Variants in ZFHX4 observed in about 807,000 individuals in gnomAD.
The protein encoded by ZFHX4 is zinc finger homeobox protein 4.
In ZFHX4, 56 loss-of-function variants were observed where a neutral mutation model predicts 267.6. That is an observed-to-expected ratio of 0.21 (90% CI 0.17 to 0.26). ZFHX4 has a LOEUF of 0.26. ZFHX4 is among the 10% of genes least tolerant of loss of function. ZFHX4 has a pLI of 1.00. For missense variants in ZFHX4, 4,332 were observed against 4,420.0 expected (o/e 0.98, Z 0.56); for synonymous variants, 1,778 against 1,665.6 (o/e 1.07, Z -1.64).
At chr8:76,850,439 T>C in intron 9 of ZFHX4, 77 bp downstream of exon 9, 1 of 1,193,478 alleles carries the variant, frequency 8.4e-7, no homozygotes, top group Admixed American at 2.6e-5. Flanking sequence ...CAAAGATTAT[T>C]ACTATCAAAA....
At chr8:76,731,808 C>A (rs930010025) in intron 3 of ZFHX4, among the ~76,000 whole-genome samples, 1 of 150,898 alleles carries the variant, frequency 6.6e-6, no homozygotes. Flanking sequence ...CTTTATAATG[C>A]GATATGATAA....
chr8:76,717,840 G>T (rs745511794), intron 3 of ZFHX4, among the ~76,000 whole-genome samples: 1 of 152,136 alleles, frequency 6.6e-6, no homozygotes, highest in South Asian at 2.1e-4. Flanking sequence ...CAGGTGACCC[G>T]CCCCCCTCAG....
intron 3 of ZFHX4, among the ~76,000 whole-genome samples, chr8:76,750,684 A>G (rs1322210356): frequency 6.6e-6 from 1 of 152,088 alleles, no homozygotes; most frequent in Non-Finnish European, 1.5e-5. Context: ...ATTTCTATTT[A>G]TCTCATTTTT....
Position 76,855,854 on chromosome 8 carries a change from A to T in ZFHX4, c.8933A>T (p.Gln2978Leu). 1.9e-6 allele frequency: 3 copies of T among 1,613,976 alleles called. No homozygotes were observed. The highest frequency in any genetic ancestry group is 2.5e-6 in the Non-Finnish European group (3 of 1,179,872). Residue 2978 changes from glutamine to leucine, a missense_variant, in exon 10 of 11, where the codon CAA becomes CTA. Coordinates refer to ENST00000651372, the MANE Select transcript of ZFHX4 (RefSeq NM_024721.5). ...LPKRVVQVWF[Q>L]NARAKEKKFK... ...AAACGCGTAGTCCAGGTGTGGTTCC[A>T]AAATGCAAGGGCAAAGGAAAAGAAA...
rs1038660449 is a variant in ZFHX4 at position 76,681,445 on chromosome 8, C to A, written c.-222C>A. On this transcript the variant is annotated 5_prime_UTR_variant, in exon 1 of 11. Transcript: ENST00000651372. ...CCCCCGAGGACCGCTCCATGCCCCC[C>A]ACTTTCTGCTCCAGCGTTTTTATTT... 2 of 398,638 alleles carry A rather than the reference C, an allele frequency of 5.0e-6. No individual in the cohort carries two copies. Among genetic ancestry groups the A allele is most frequent in the South Asian group, 1.3e-4 (1 of 7,826 alleles). The allele number at this position is 398,638 out of a possible 1,614,324, so 24.7% of individuals were successfully genotyped here. A position where few individuals can be genotyped will look rare whatever the true frequency, so the allele number is the denominator to read the frequency against.
At position 76,705,619 on chromosome 8, in the gene ZFHX4, T is replaced by C. The variant is rs373260858; in HGVS notation, c.1531T>C (p.Ser511Pro). The stretch of plus-strand genomic sequence containing the variant: ...CTTAAACCAAAGCATTTCTCCTTTA[T>C]CATCCAGTGTGCTAAAATTTATTGA... ...PLLNQSISPL[S>P]SSVLKFIEKG... Residue 511 changes from serine (S) to proline (P), a missense_variant, in exon 2 of 11, where the codon TCA becomes CCA. By Grantham distance (74) the Ser-to-Pro change is moderately conservative. This residue lies in a region of ZFHX4 where 1,195 missense variants were observed against 1,173.6 expected (regional missense o/e 1.02). Transcript: ENST00000651372. 6.8e-6 allele frequency: 11 copies of C among 1,613,792 alleles called. No homozygotes were observed. The highest frequency in any genetic ancestry group is 8.5e-6 in the Non-Finnish European group (10 of 1,179,858).
At chr8:76,819,697 G>C (rs911780402) in intron 4 of ZFHX4, among the ~76,000 whole-genome samples, 1 of 152,136 alleles carries the variant, frequency 6.6e-6, no homozygotes, top group Middle Eastern at 3.2e-3. Context: ...ACCGTTTCAC[G>C]GGTATCACAG....
At chr8:76,770,776 TGAAGGGGG>T (rs1810243366) in intron 3 of ZFHX4, among the ~76,000 whole-genome samples, 1 of 151,606 alleles carries the variant, frequency 6.6e-6, no homozygotes, top group Admixed American at 6.6e-5. Context: ...GTAAGACAGG[TGAAGGGGG>T]GAAGGTAAAT....
At chr8:76,834,907 G>T (rs533544148) in intron 5 of ZFHX4, among the ~76,000 whole-genome samples, 10 of 150,846 alleles carry the variant, frequency 6.6e-5, no homozygotes, top group Admixed American at 1.3e-4. Flanking sequence ...AACCCATTTT[G>T]AGTGAATGTT....
Position 76,855,467 on chromosome 8 carries a change from CA to C in ZFHX4, c.8550del (p.Lys2850AsnfsTer55). The C allele has an allele frequency of 6.2e-7, 1 of 1,613,674 alleles. No individual in the cohort carries two copies. Among genetic ancestry groups the C allele is most frequent in the Non-Finnish European group, 8.5e-7 (1 of 1,179,824 alleles). ...PKEPKTLDTL[P>X]KPATTPTTEV... ...GAGCCAAAAACTCTGGATACTCTGC[CA>C]AAACCTGCAACCACACCTACCACGG... is the stretch of plus-strand genomic sequence containing the variant. On this transcript the variant is annotated frameshift_variant, in exon 10 of 11. Coordinates refer to ENST00000651372, the MANE Select transcript of ZFHX4 (RefSeq NM_024721.5). LOFTEE classifies it high-confidence loss of function.
At chr8:76,726,097 G>A (rs373048091) in intron 3 of ZFHX4, among the ~76,000 whole-genome samples, 8 of 151,890 alleles carry the variant, frequency 5.3e-5, no homozygotes, top group African/African-American at 1.4e-4. Flanking sequence ...CAAATGAATA[G>A]TTCATTATGC....
chr8:76,829,498 T>A (rs1585987255), intron 4 of ZFHX4, among the ~76,000 whole-genome samples: 1 of 151,976 alleles, frequency 6.6e-6, no homozygotes, highest in South Asian at 2.1e-4. Context: ...CTGTGAGAAC[T>A]TTCATTCTTA....
intron 1 of ZFHX4, among the ~76,000 whole-genome samples, chr8:76,698,248 A>T (rs545267565): frequency 7.8e-4 from 118 of 152,250 alleles, no homozygotes; most frequent in Non-Finnish European, 1.5e-4. Context: ...TAGCTAAATT[A>T]TTGGGTCCAT....
intron 3 of ZFHX4, among the ~76,000 whole-genome samples, chr8:76,712,604 T>C (rs1441209076): frequency 6.6e-6 from 1 of 152,110 alleles, no homozygotes; most frequent in Admixed American, 6.6e-5. Context: ...ATAAAAGTCA[T>C]TGTGTGAAAA....
chr8:76,820,731 A>G (rs1052987055), intron 4 of ZFHX4, among the ~76,000 whole-genome samples: 9 of 152,224 alleles, frequency 5.9e-5, no homozygotes, highest in African/African-American at 2.2e-4. Flanking sequence ...TTTATGTTCC[A>G]TAGGGATTTT....
chr8:76,860,558 C>T (rs561924644), intron 10 of ZFHX4, among the ~76,000 whole-genome samples: 6 of 151,880 alleles, frequency 4.0e-5, no homozygotes, highest in Non-Finnish European at 8.8e-5. Flanking sequence ...CCAGTAATTT[C>T]CTCAGATTTA....
chr8:76,683,933 A>G (rs1807623745), intron 1 of ZFHX4: 1 of 151,518 alleles, frequency 6.6e-6, no homozygotes, highest in African/African-American at 2.4e-5. Flanking sequence ...TTCCATTGAG[A>G]GCAATGCAAA....
intron 10 of ZFHX4, among the ~76,000 whole-genome samples, chr8:76,858,461 G>A (rs190501401): frequency 6.6e-6 from 1 of 152,138 alleles, no homozygotes; most frequent in Non-Finnish European, 1.5e-5. Flanking sequence ...AAAGAGAAAA[G>A]CTCCATGAAC....
intron 1 of ZFHX4, among the ~76,000 whole-genome samples, chr8:76,694,880 T>G (rs1807916448): frequency 6.6e-6 from 1 of 151,936 alleles, no homozygotes. Flanking sequence ...GAGTTAATGA[T>G]ATATTTTTAG....
Sources: allele counts gnomAD v4.1 joint callset (sites outside exome capture counted in the v4.1 genomes callset), GRCh38; gene constraint gnomAD v4.1.1; regional missense constraint gnomAD v4.1.1; transcripts MANE v1.5; gene names NCBI Gene and HGNC (gene_info 2026-07-23, HGNC 2026-07-21).